Variants in PABIR3 observed in about 807,000 individuals in gnomAD.
PABIR3 encodes PABIR family member 3.
A neutral mutation model predicts 23.1 loss-of-function variants in PABIR3; 20 were observed. The observed-to-expected ratio is 0.86, with a 90% confidence interval of 0.61 to 1.26. PABIR3 has a LOEUF of 1.26. Ranked by LOEUF, PABIR3 falls within the 50% of genes most tolerant of loss-of-function variation. PABIR3 has a pLI of 0.00. For missense variants in PABIR3, 189 were observed against 195.4 expected (o/e 0.97, Z 0.20); for synonymous variants, 69 against 68.5 (o/e 1.01, Z -0.04).
At chrX:134,840,602 T>C (rs970046556) in intron 4 of PABIR3, among the ~76,000 whole-genome samples, 4 of 110,954 alleles carry the variant, frequency 3.6e-5, no homozygotes, top group Admixed American at 9.7e-5. Context: ...GTCACCTGCC[T>C]AAGTTTGCAC....
intron 3 of PABIR3, chrX:134,822,470 A>G (rs1478165045): frequency 2.7e-6 from 2 of 750,560 alleles, no homozygotes; most frequent in African/African-American, 2.3e-5. Context: ...GCTCAAGTTC[A>G]AATCCTACCT....
At chrX:134,840,589 G>T (rs1222347992) in intron 4 of PABIR3, among the ~76,000 whole-genome samples, 4 of 110,840 alleles carry the variant, frequency 3.6e-5, no homozygotes, top group African/African-American at 1.3e-4. Context: ...ACGCTCAGGT[G>T]ACGTCACCTG....
At chrX:134,810,497 T>G in intron 2 of PABIR3, 1 of 754,116 alleles carries the variant, frequency 1.3e-6, no homozygotes. Flanking sequence ...AACATAGGAA[T>G]GATGTGTGAC....
chrX:134,843,010 G>A (rs2082289976), intron 4 of PABIR3, among the ~76,000 whole-genome samples: 1 of 109,854 alleles, frequency 9.1e-6, no homozygotes, highest in Admixed American at 9.8e-5. Flanking sequence ...AGACCAGCCT[G>A]ACCAACACGT....
chrX:134,829,902 C>T (rs2081690561), intron 4 of PABIR3, among the ~76,000 whole-genome samples: 1 of 112,191 alleles, frequency 8.9e-6, no homozygotes. Context: ...AAGATCAAAT[C>T]ACCACTACCC....
At chrX:134,849,130 A>C in intron 8 of PABIR3, 37 bp from the exon 9 acceptor site, 1 of 799,789 alleles carries the variant, frequency 1.3e-6, no homozygotes, top group Non-Finnish European at 1.6e-6. Context: ...TTTGTTAAAA[A>C]AAATTTCTTA....
chrX:134,817,401 A>G (rs2081044289), intron 3 of PABIR3, among the ~76,000 whole-genome samples: 1 of 105,442 alleles, frequency 9.5e-6, no homozygotes, highest in Non-Finnish European at 1.9e-5. Context: ...AGCCTTCCAT[A>G]CCTATCCAGT....
chrX:134,814,111 A>T (rs1322896721), intron 2 of PABIR3, among the ~76,000 whole-genome samples: 1 of 111,530 alleles, frequency 9.0e-6, no homozygotes, highest in Non-Finnish European at 1.9e-5. Context: ...CCTCGTATTC[A>T]TGTGAAACTT....
intron 4 of PABIR3, among the ~76,000 whole-genome samples, chrX:134,838,103 A>G (rs1182140391): frequency 1.8e-5 from 2 of 111,094 alleles, no homozygotes; most frequent in African/African-American, 3.3e-5. Flanking sequence ...CAGGTTTAAG[A>G]CTCAAAGCTC....
chrX:134,846,426 C>T, intron 6 of PABIR3, among the ~76,000 whole-genome samples: 1 of 112,027 alleles, frequency 8.9e-6, no homozygotes, highest in East Asian at 2.8e-4. Context: ...CTCTTGTTAA[C>T]ATTTTTAAAT....
chrX:134,855,230 C>T (rs187122284), downstream of PABIR3, among the ~76,000 whole-genome samples: 2 of 109,895 alleles, frequency 1.8e-5, no homozygotes, highest in East Asian at 2.9e-4. Context: ...GTCAGGAGAT[C>T]GAGACCATCC....
At chrX:134,829,518 G>A (rs1266695496) in intron 4 of PABIR3, among the ~76,000 whole-genome samples, 1 of 110,962 alleles carries the variant, frequency 9.0e-6, no homozygotes, top group Non-Finnish European at 1.9e-5. Flanking sequence ...TATACCTTGA[G>A]TCTAGCTTCT....
chrX:134,828,043 C>CTATATATATATATA (rs369833437), intron 3 of PABIR3, among the ~76,000 whole-genome samples: 1 of 66,619 alleles, frequency 1.5e-5, no homozygotes, highest in East Asian at 4.5e-4. Context: ...CTCTCTCTCT[C>CTATATATATATATA]TCTCTATATA....
downstream of PABIR3, among the ~76,000 whole-genome samples, chrX:134,859,312 TAGAG>T (rs1483448141): frequency 1.8e-5 from 2 of 112,111 alleles, no homozygotes; most frequent in Admixed American, 9.6e-5. Flanking sequence ...TTTAGGAAAT[TAGAG>T]AGCTTTATAC....
At chrX:134,828,047 C>CTCTCTCTCTCTCTCTATATA (rs1466733144) in intron 3 of PABIR3, among the ~76,000 whole-genome samples, 5 of 49,407 alleles carry the variant, frequency 1.0e-4, no homozygotes, top group African/African-American at 4.1e-4. Flanking sequence ...CTCTCTCTCT[C>CTCTCTCTCTCTCTCTATATA]TATATATATA....
intron 2 of PABIR3, chrX:134,810,106 T>C: frequency 1.3e-6 from 1 of 753,732 alleles, no homozygotes. Context: ...GAAGACAATA[T>C]AAAAAGAAGA....
chrX:134,829,035 A>G lies in PABIR3; in HGVS notation c.190-191A>G, dbSNP rs369644036. Among the ~76,000 whole-genome samples the G allele has an allele frequency of 1.8e-4, 20 of 111,678 alleles. No homozygotes were observed. The East Asian group carries it at 3.9e-3, about 22-fold the overall frequency. On this transcript the variant is annotated intron_variant, in intron 3 of 10. Transcript: ENST00000645433. ...TTTTGTTCTGTTTTGGAAAGTGTTG[A>G]TTTTTGATTAGTATAATTTTCAGTC...
downstream of PABIR3, among the ~76,000 whole-genome samples, chrX:134,858,728 A>C (rs1324115470): frequency 9.0e-6 from 1 of 111,681 alleles, no homozygotes; most frequent in Non-Finnish European, 1.9e-5. Context: ...GTTTTCCTGA[A>C]ATTCCGTAAT....
At chrX:134,851,322 G>A (rs1331860373) in intron 9 of PABIR3, among the ~76,000 whole-genome samples, 1 of 110,833 alleles carries the variant, frequency 9.0e-6, no homozygotes, top group East Asian at 2.8e-4. Context: ...GATGACTTGA[G>A]GTCAGGAATT....
Sources: gnomAD v4.1 joint callset for allele counts (sites outside exome capture counted in the v4.1 genomes callset) on GRCh38, gnomAD v4.1.1 for gene constraint, MANE v1.5 for transcripts, NCBI Gene and HGNC (gene_info 2026-07-23, HGNC 2026-07-21) for gene names.